The following NF1 variants were observed in gnomAD, a reference collection of about 807,000 sequenced individuals.
NF1 encodes neurofibromin 1.
NF1 carries 122 observed loss-of-function variants against 325.7 expected under a neutral mutation model. The observed-to-expected ratio is 0.37, with a 90% CI of 0.32 to 0.44. The LOEUF (loss-of-function observed/expected upper bound fraction) is 0.44. Among genes scored for constraint, NF1 ranks in the 20% least tolerant of loss-of-function variants. NF1 has a pLI of 1.00. For missense variants in NF1, 2,140 were observed against 3,415.4 expected, an observed-to-expected ratio of 0.63 and a Z score of 9.31; for synonymous variants, 1,091 against 1,186.0, an observed-to-expected ratio of 0.92 and a Z score of 1.65.
At chr17:31,321,736 G>A (rs1460041718) in intron 36 of NF1, 1 of 150,484 alleles carries the variant, frequency 6.6e-6, no homozygotes. Context: ...CAACGAAAAA[G>A]CTCCAACTTC....
intron 11 of NF1, 100 bp from the exon 12 acceptor site, chr17:31,206,140 C>A: frequency 1.4e-6 from 2 of 1,381,088 alleles, no homozygotes; most frequent in Non-Finnish European, 2.1e-6. Flanking sequence ...TTAGAAAGTT[C>A]CCGACAAAAG....
At chr17:31,304,822 G>A in intron 36 of NF1, 1 of 1,613,920 alleles carries the variant, frequency 6.2e-7, no homozygotes, top group Non-Finnish European at 8.5e-7. Flanking sequence ...ACGTTTTGTG[G>A]ATATTTCATT....
At chr17:31,328,502 A>G (rs1181263989) in intron 38 of NF1, among the ~76,000 whole-genome samples, 4 of 152,208 alleles carry the variant, frequency 2.6e-5, no homozygotes, top group African/African-American at 9.6e-5. Flanking sequence ...TGCCTTTCTT[A>G]TATACCCACA....
chr17:31,229,704 G>T, intron 21 of NF1, 131 bp from the exon 22 acceptor site: 1 of 1,182,932 alleles, frequency 8.5e-7, no homozygotes, highest in South Asian at 1.2e-5. Context: ...GCGTATATCT[G>T]TATGCTTATT....
chr17:31,342,281 G>A (rs2069844407), intron 47 of NF1, among the ~76,000 whole-genome samples: 1 of 152,104 alleles, frequency 6.6e-6, no homozygotes, highest in East Asian at 1.9e-4. Context: ...ATATCTAGTT[G>A]TTGGCTATTT....
At chr17:31,306,419 T>C (rs1006364449) in intron 36 of NF1, among the ~76,000 whole-genome samples, 2 of 152,180 alleles carry the variant, frequency 1.3e-5, no homozygotes, top group South Asian at 4.1e-4. Flanking sequence ...GACATAGATA[T>C]AGATATAAAT....
In NF1 at chr17:31,313,453, C is replaced by T. The variant is rs1408588910; in HGVS notation, c.4836-12367C>T. 2.0e-5 allele frequency among the ~76,000 whole-genome samples: 3 copies of T among 152,058 alleles called. No individual in the cohort carries two copies. In the East Asian group the frequency reaches 5.8e-4, roughly 29 times the overall value. ...GAGCGGTGGCTCACTCCTGTAATCC[C>T]AGCACTTTGGGAGGCGGAGGTAAGC... On this transcript the variant is annotated intron_variant, in intron 36 of 57. Transcript: ENST00000358273.
chr17:31,190,397 C>T (rs1033329918), intron 8 of NF1, among the ~76,000 whole-genome samples: 17 of 152,168 alleles, frequency 1.1e-4, no homozygotes, highest in Non-Finnish European at 2.5e-4. Flanking sequence ...GCAAAATATA[C>T]ATACGTAGGG....
In NF1 at chr17:31,095,146, G is replaced by A. The variant is rs1229847970; in HGVS notation, c.-164G>A. 2 of 378,446 alleles carry A rather than the reference G, an allele frequency of 5.3e-6. No individual in the cohort carries two copies. The highest frequency in any genetic ancestry group is 9.2e-6 in the Non-Finnish European group (2 of 216,368). 23.4% of individuals were successfully genotyped at this position (378,446 alleles called of 1,614,324 possible). Reference sequence around the variant, plus strand: ...CCCTTTCCCTCTCCCCCTCCCGCTCGGCGCTGACCCCCCATCCCCACCCCC... The same window carrying A: ...CCCTTTCCCTCTCCCCCTCCCGCTCAGCGCTGACCCCCCATCCCCACCCCC... On this transcript the variant is annotated 5_prime_UTR_variant, in exon 1 of 58. Transcript: ENST00000358273.
At chr17:31,177,931 T>G (rs942528588) in intron 5 of NF1, among the ~76,000 whole-genome samples, 4 of 152,006 alleles carry the variant, frequency 2.6e-5, no homozygotes, top group Non-Finnish European at 5.9e-5. Flanking sequence ...ATGGAAAAAG[T>G]TGGAAAACAC....
chr17:31,098,151 A>G (rs1189488431), intron 1 of NF1, among the ~76,000 whole-genome samples: 1 of 148,456 alleles, frequency 6.7e-6, no homozygotes, highest in East Asian at 1.9e-4. Context: ...AATTTATTAT[A>G]TAAGTGATAA....
chr17:31,261,500 A>G (rs2067685288), intron 34 of NF1, among the ~76,000 whole-genome samples: 1 of 152,200 alleles, frequency 6.6e-6, no homozygotes, highest in African/African-American at 2.4e-5. Flanking sequence ...GCTAAGGGTA[A>G]GCAATTGGGA....
At chr17:31,353,404 G>A (rs968021260) in intron 51 of NF1, among the ~76,000 whole-genome samples, 1 of 152,166 alleles carries the variant, frequency 6.6e-6, no homozygotes, top group East Asian at 1.9e-4. Flanking sequence ...GACTCAGGTG[G>A]GAGGATTGCT....
intron 20 of NF1, among the ~76,000 whole-genome samples, 200 bp downstream of exon 20, chr17:31,227,806 C>T (rs1406209622): frequency 6.6e-6 from 1 of 152,150 alleles, no homozygotes; most frequent in East Asian, 1.9e-4. Flanking sequence ...TAAATTTTAA[C>T]ATAATTAAAA....
chr17:31,323,028 T>G (rs1179980841), intron 36 of NF1, among the ~76,000 whole-genome samples: 1 of 152,208 alleles, frequency 6.6e-6, no homozygotes, highest in Non-Finnish European at 1.5e-5. Flanking sequence ...TAAAACCGGT[T>G]GAACAGTTCC....
intron 36 of NF1, among the ~76,000 whole-genome samples, chr17:31,303,460 T>C (rs1273007163): frequency 2.6e-5 from 4 of 152,138 alleles, no homozygotes; most frequent in Non-Finnish European, 5.9e-5. Flanking sequence ...TTGAGAATCA[T>C]CTGTGTTTTG....
Position 31,150,475 on chromosome 17 carries a change from G to T in NF1, c.61-5508G>T, listed in dbSNP as rs771664009. Among the ~76,000 whole-genome samples the T allele has an allele frequency of 3.7e-4, 57 of 152,146 alleles. 1 individual carries two copies. Among genetic ancestry groups the T allele is most frequent in the Non-Finnish European group, 3.7e-4 (25 of 67,996 alleles). ...TAATTTCCTTCTCTTTTGGGGTGGA[G>T]GGGTATTATGTGTTGGTTTTTTACT... On this transcript the variant is annotated intron_variant, in intron 1 of 57. Transcript: ENST00000358273.
At chr17:31,369,112 A>G (rs535059794) in intron 57 of NF1, among the ~76,000 whole-genome samples, 1 of 152,332 alleles carries the variant, frequency 6.6e-6, no homozygotes, top group South Asian at 2.1e-4. Context: ...TGATACTATT[A>G]TAACTGATTA....
chr17:31,362,359 A>T, intron 57 of NF1: 11 of 985,284 alleles, frequency 1.1e-5, no homozygotes, highest in Non-Finnish European at 1.2e-5. Flanking sequence ...CTAGGGAACC[A>T]TACAGGTAAT....
Sources: allele counts gnomAD v4.1 joint callset (sites outside exome capture counted in the v4.1 genomes callset), GRCh38; gene constraint gnomAD v4.1.1; transcripts MANE v1.5; gene names NCBI Gene and HGNC (gene_info 2026-07-23, HGNC 2026-07-21).